STXBP5: variants seen among roughly 807,000 people sequenced by gnomAD.
STXBP5 encodes syntaxin binding protein 5, also known as syntaxin-binding protein 5.
Under a neutral mutation model 152.4 loss-of-function variants are expected in STXBP5, and 50 were observed. The ratio of observed to expected loss-of-function variants is 0.33; its 90% CI spans 0.26 to 0.42. The LOEUF (loss-of-function observed/expected upper bound fraction) is 0.42, where lower values mean the gene tolerates loss of function less well. Among genes scored for constraint, STXBP5 ranks in the 10% least tolerant of loss-of-function variants. The pLI is 1.00. For missense variants in STXBP5, 1,167 were observed against 1,388.6 expected (o/e 0.84, Z 2.54); for synonymous variants, 492 against 494.7 (o/e 0.99, Z 0.07).
intron 26 of STXBP5, among the ~76,000 whole-genome samples, chr6:147,381,211 C>T (rs377676201): frequency 6.6e-6 from 1 of 151,980 alleles, no homozygotes; most frequent in African/African-American, 2.4e-5. Context: ...GGGACACAGC[C>T]GAACCATATC....
In STXBP5 at chr6:147,307,657, A is replaced by G. The variant is rs981632911; in HGVS notation, c.918-2427A>G. Among the ~76,000 whole-genome samples, 6 of 152,296 alleles carry G rather than the reference A, an allele frequency of 3.9e-5. No individual in the cohort carries two copies. In the South Asian group the frequency reaches 8.3e-4, roughly 21 times the overall value. On this transcript the variant is annotated intron_variant, in intron 9 of 27. Coordinates refer to ENST00000321680, the MANE Select transcript of STXBP5 (RefSeq NM_001127715.4). ...ACGGGTTGGATGGTTCTTGCCTGGC[A>G]ATCAGACAGACAATTTTAAAGAGAC...
chr6:147,379,107 GAAAAA>G (rs34796123), intron 26 of STXBP5, among the ~76,000 whole-genome samples: 2 of 148,660 alleles, frequency 1.3e-5, no homozygotes, highest in Non-Finnish European at 3.0e-5. Context: ...CCCACAGCTG[GAAAAA>G]AAAAAAACTC....
At chr6:147,293,340 C>G (rs982776133) in intron 9 of STXBP5, 4 of 152,154 alleles carry the variant, frequency 2.6e-5, no homozygotes, top group African/African-American at 9.7e-5. Flanking sequence ...CTTTTGTCAC[C>G]TAAGATGGGA....
At chr6:147,262,255 T>C in intron 5 of STXBP5, 35 bp from the exon 6 acceptor site, 1 of 1,357,792 alleles carries the variant, frequency 7.4e-7, no homozygotes, top group Non-Finnish European at 1.0e-6. Context: ...AATTCTTAAC[T>C]GAAGAGAAAA....
In STXBP5 at chr6:147,300,707, A is replaced by G. The variant is rs60134795; in HGVS notation, c.918-9377A>G. 3.1e-4 allele frequency among the ~76,000 whole-genome samples: 47 copies of G among 152,270 alleles called. No homozygotes were observed. The East Asian group carries it at 7.9e-3, about 26-fold the overall frequency. ...GACCTGAAAGTATGAAACTACTGGA[A>G]GAATACATGGGAAATGCTTCACGAT... On this transcript the variant is annotated intron_variant, in intron 9 of 27. Transcript: ENST00000321680.
chr6:147,240,296 A>T (rs1467958411), intron 4 of STXBP5, among the ~76,000 whole-genome samples: 3 of 152,020 alleles, frequency 2.0e-5, no homozygotes, highest in African/African-American at 7.2e-5. Flanking sequence ...TTTATATGGA[A>T]CTTATTTTGG....
At chr6:147,314,361 A>G (rs770180008) in intron 13 of STXBP5, 30 bp downstream of exon 13, 2 of 1,571,032 alleles carry the variant, frequency 1.3e-6, no homozygotes, top group Admixed American at 1.7e-5. Context: ...CACCAAGTAA[A>G]TCTATAATAG....
Position 147,389,920 on chromosome 6 carries a change from C to T in STXBP5, c.*5165C>T, listed in dbSNP as rs1309745719. 2.0e-5 allele frequency: 3 copies of T among 151,502 alleles called. No homozygotes were observed. The highest frequency in any genetic ancestry group is 4.1e-4 in the South Asian group (2 of 4,822). 9.4% of individuals were successfully genotyped at this position (151,502 alleles called of 1,614,324 possible). A position where few individuals can be genotyped will look rare whatever the true frequency, so the allele number is the denominator to read the frequency against. The stretch of plus-strand genomic sequence containing the variant: ...AGTTAGAACCAGAAAAACACTTTTG[C>T]TTTCTAGTTATACTATTGGTTCATT... On this transcript the variant is annotated 3_prime_UTR_variant, in exon 28 of 28. Coordinates refer to ENST00000321680, the MANE Select transcript of STXBP5 (RefSeq NM_001127715.4).
At chr6:147,375,657 G>A (rs1785776869) in intron 26 of STXBP5, among the ~76,000 whole-genome samples, 1 of 150,820 alleles carries the variant, frequency 6.6e-6, no homozygotes, top group Non-Finnish European at 1.5e-5. Flanking sequence ...AAAGAAGTCA[G>A]AAAACTTTTT....
intron 22 of STXBP5, among the ~76,000 whole-genome samples, chr6:147,358,398 C>T (rs997433693): frequency 6.6e-5 from 10 of 152,084 alleles, no homozygotes; most frequent in African/African-American, 2.4e-4. Flanking sequence ...AGCCAGGACC[C>T]CAAGGATTGC....
intron 2 of STXBP5, among the ~76,000 whole-genome samples, chr6:147,226,467 A>T (rs997818224): frequency 3.9e-5 from 6 of 152,164 alleles, no homozygotes; most frequent in Non-Finnish European, 8.8e-5. Flanking sequence ...AAGGCCTTCC[A>T]CACTCTAGGA....
At position 147,315,617 on chromosome 6, in the gene STXBP5, AT is replaced by A. The variant is rs1562481924; in HGVS notation, c.1506del (p.Tyr502Ter). The A allele has an allele frequency of 6.2e-7, 1 of 1,613,968 alleles. No individual in the cohort carries two copies. The highest frequency in any genetic ancestry group is 1.7e-5 in the Admixed American group (1 of 59,992). ...ACAGACATTGTAGATGAAGATCCAT[AT>A]GCCATTCAGATCATCTCCTGGTGTC... Reference protein sequence around the residue: ...PNTDIVDEDPYAIQIISWCPE... With the variant: ...PNTDIVDEDPXAIQIISWCPE... On this transcript the variant is annotated frameshift_variant, in exon 15 of 28. Transcript: ENST00000321680. LOFTEE classifies it high-confidence loss of function.
At chr6:147,308,135 C>A (rs936793089) in intron 9 of STXBP5, among the ~76,000 whole-genome samples, 1 of 152,202 alleles carries the variant, frequency 6.6e-6, no homozygotes, top group Non-Finnish European at 1.5e-5. Context: ...CCACTGGTCC[C>A]TTCATCCCTG....
chr6:147,378,907 A>G (rs1306022993), intron 26 of STXBP5, among the ~76,000 whole-genome samples: 1 of 152,206 alleles, frequency 6.6e-6, no homozygotes, highest in Non-Finnish European at 1.5e-5. Flanking sequence ...TCCATAGGTT[A>G]GAAATCAACA....
chr6:147,277,223 A>G (rs1780485826), intron 7 of STXBP5, among the ~76,000 whole-genome samples: 1 of 152,098 alleles, frequency 6.6e-6, no homozygotes, highest in Admixed American at 6.5e-5. Context: ...TAAATAGATG[A>G]CATGATAGAA....
chr6:147,378,324 A>G lies in STXBP5; in HGVS notation c.3194-4454A>G, dbSNP rs139942298. On this transcript the variant is annotated intron_variant, in intron 26 of 27. Transcript: ENST00000321680. ...ATAGATAGAAAATCTGAAGTGAAAT[A>G]TTAAGGTAGCAAATAATATGTAATA... 1.3e-3 allele frequency among the ~76,000 whole-genome samples: 204 copies of G among 152,008 alleles called. 1 individual carries two copies. The highest frequency in any genetic ancestry group is 4.5e-3 in the African/African-American group (188 of 41,506).
At chr6:147,331,826 A>AAAAAAAAAAAC (rs1783589191) in intron 18 of STXBP5, among the ~76,000 whole-genome samples, 1 of 149,464 alleles carries the variant, frequency 6.7e-6, no homozygotes, top group African/African-American at 2.5e-5. Context: ...AAAAAAAAAA[A>AAAAAAAAAAAC]ACACACAAAA....
chr6:147,226,421 G>A (rs751215350), intron 2 of STXBP5, among the ~76,000 whole-genome samples: 1 of 152,182 alleles, frequency 6.6e-6, no homozygotes, highest in African/African-American at 2.4e-5. Context: ...AGTAAAAAGA[G>A]CAGATTACCA....
rs1405220520 is a variant in STXBP5, at chr6:147,204,487, C to T, written c.-46C>T. Reference sequence around the variant, plus strand: ...CGGGTGGTCTCCCCCGCCCGGGGACCCCCTGTGCCTCCCCTCCCGGGCTGC... The same window carrying T: ...CGGGTGGTCTCCCCCGCCCGGGGACTCCCTGTGCCTCCCCTCCCGGGCTGC... On this transcript the variant is annotated 5_prime_UTR_variant, in exon 1 of 28. Coordinates refer to ENST00000321680, the MANE Select transcript of STXBP5 (RefSeq NM_001127715.4). The surrounding 1 kb of genome is among the most constrained non-coding windows in gnomAD (Gnocchi z 4.3). The T allele has an allele frequency of 1.6e-5, 25 of 1,598,696 alleles. No individual in the cohort carries two copies. The highest frequency in any genetic ancestry group is 2.7e-5 in the African/African-American group (2 of 74,316).
Sources: gnomAD v4.1 joint callset for allele counts (sites outside exome capture counted in the v4.1 genomes callset) on GRCh38, gnomAD v4.1.1 for gene constraint, Gnocchi (gnomAD v3.1) non-coding constraint, MANE v1.5 for transcripts, NCBI Gene and HGNC (gene_info 2026-07-23, HGNC 2026-07-21) for gene names.